SH2B2: variants seen among roughly 807,000 people sequenced by gnomAD.
SH2B2 encodes the protein SH2B adaptor protein 2, also known as SH2B adapter protein 2.
Under a neutral mutation model 35.7 loss-of-function variants are expected in SH2B2, and 37 were observed. The ratio of observed to expected loss-of-function variants is 1.04; its 90% confidence interval spans 0.80 to 1.36. The LOEUF (loss-of-function observed/expected upper bound fraction) is 1.36. Among genes scored for constraint, SH2B2 ranks in the 40% most tolerant of loss-of-function variants. The pLI, the probability that SH2B2 is intolerant of heterozygous loss-of-function variation, is 0.00. For missense variants in SH2B2, 852 were observed against 817.7 expected (o/e 1.04, Z -0.51); for synonymous variants, 383 against 376.4 (o/e 1.02, Z -0.20).
intron 2 of SH2B2, among the ~76,000 whole-genome samples, chr7:102,304,414 C>G (rs572644123): frequency 6.1e-4 from 93 of 152,304 alleles, no homozygotes; most frequent in African/African-American, 2.1e-3. Context: ...GCCGGCCCCC[C>G]GCCATTAGGG....
At chr7:102,290,136 T>C (rs1418031762) in intron 1 of SH2B2, among the ~76,000 whole-genome samples, 2 of 137,196 alleles carry the variant, frequency 1.5e-5, no homozygotes, top group East Asian at 4.7e-4. Context: ...GGTCATTTCC[T>C]TTCCTGAAAC....
chr7:102,306,613 G>C (rs1793408115), intron 2 of SH2B2, 108 bp from the exon 3 acceptor site: 1 of 749,916 alleles, frequency 1.3e-6, no homozygotes, highest in African/African-American at 1.7e-5. Context: ...TACCAGGGTG[G>C]CTGTGGCAGT....
At chr7:102,285,213 C>A (rs1554550641), upstream of SH2B2, 2 of 1,551,278 alleles carry the variant, frequency 1.3e-6, no homozygotes, top group South Asian at 2.4e-5. Flanking sequence ...CCCTCTCTGG[C>A]CGCTATCATC....
At chr7:102,302,724 C>T (rs555899278) in intron 2 of SH2B2, among the ~76,000 whole-genome samples, 1 of 152,344 alleles carries the variant, frequency 6.6e-6, no homozygotes, top group South Asian at 2.1e-4. Context: ...GGAAGTGTGG[C>T]CTGCCCAACG....
chr7:102,296,307 G>A (rs1554552500), intron 1 of SH2B2, among the ~76,000 whole-genome samples: 1 of 152,238 alleles, frequency 6.6e-6, no homozygotes, highest in Non-Finnish European at 1.5e-5. Context: ...GAGGAGAGAT[G>A]AGATGGTGAT....
intron 1 of SH2B2, among the ~76,000 whole-genome samples, chr7:102,293,368 G>C (rs1334731008): frequency 6.6e-6 from 1 of 151,622 alleles, no homozygotes; most frequent in Non-Finnish European, 1.5e-5. Flanking sequence ...CCGTGGCCTG[G>C]AAAGGCGATG....
intron 1 of SH2B2, among the ~76,000 whole-genome samples, chr7:102,288,909 A>G (rs2132887802): frequency 6.6e-6 from 1 of 152,276 alleles, no homozygotes; most frequent in Non-Finnish European, 1.5e-5. Flanking sequence ...CTGGGTTGCA[A>G]GGAATTGGGG....
At chr7:102,312,594 T>C (rs1027213816) in intron 4 of SH2B2, among the ~76,000 whole-genome samples, 31,092 of 152,222 alleles carry the variant, frequency 0.2, 3,847 homozygotes, top group East Asian at 0.34. Context: ...ATGGGGGTCT[T>C]ATGACCTACA....
In SH2B2 at chr7:102,300,971, A is replaced by AGCCT. The variant is rs1554553664; in HGVS notation, c.423_426dup (p.Cys143ProfsTer117). The AGCCT allele has an allele frequency of 6.8e-7, 1 of 1,479,762 alleles. No homozygotes were observed. Among genetic ancestry groups the AGCCT allele is most frequent in the Admixed American group, 2.4e-5 (1 of 42,358 alleles). The allele number at this position is 1,479,762 out of a possible 1,614,324, so 91.7% of individuals were successfully genotyped here. A position where few individuals can be genotyped will look rare whatever the true frequency, so the allele number is the denominator to read the frequency against. On this transcript the variant is annotated frameshift_variant, in exon 2 of 9. Coordinates refer to ENST00000444095, the MANE Select transcript of SH2B2 (RefSeq NM_001359228.2). LOFTEE classifies it high-confidence loss of function. ...CAAGGGCTTCTCGCTGCGCAACATG[A>AGCCT]GCCTGTGCGTGGTGGACGGCGTGCG... is the stretch of plus-strand genomic sequence containing the variant.
rs712842 is a variant in SH2B2 at position 102,297,475 on chromosome 7, G to A, written c.-29-3047G>A. The stretch of plus-strand genomic sequence containing the variant: ...TATTAGCCAGTTTCAAGCATCTGCT[G>A]GGGTTCTTGGGACATATACCCCTTG... On this transcript the variant is annotated intron_variant, in intron 1 of 8. Transcript: ENST00000444095. The surrounding 1 kb of genome is among the most constrained non-coding windows in gnomAD (Gnocchi z 4.3). 0.33 allele frequency among the ~76,000 whole-genome samples: 50,087 copies of A among 151,576 alleles called. 8,389 individuals are homozygous for A. Among genetic ancestry groups the A allele is most frequent in the African/African-American group, 0.38 (15,513 of 41,228 alleles).
intron 1 of SH2B2, among the ~76,000 whole-genome samples, chr7:102,289,898 T>A (rs1043053575): frequency 1.3e-5 from 2 of 152,092 alleles, no homozygotes; most frequent in African/African-American, 4.8e-5. Flanking sequence ...CCAGTGCAGC[T>A]GGAACCAGCT....
chr7:102,296,374 G>A (rs1554552509), intron 1 of SH2B2, among the ~76,000 whole-genome samples: 1 of 152,222 alleles, frequency 6.6e-6, no homozygotes, highest in East Asian at 1.9e-4. Context: ...GGGAGGACAG[G>A]CGAGGGCATG....
intron 1 of SH2B2, among the ~76,000 whole-genome samples, chr7:102,295,989 C>G (rs1353359840): frequency 1.3e-5 from 2 of 152,140 alleles, no homozygotes; most frequent in Non-Finnish European, 2.9e-5. Flanking sequence ...TCATGAAGCC[C>G]AACGCAATAA....
chr7:102,288,835 A>G (rs533161785), intron 1 of SH2B2, among the ~76,000 whole-genome samples: 1 of 152,274 alleles, frequency 6.6e-6, no homozygotes, highest in East Asian at 1.9e-4. Flanking sequence ...GCAGTCAACG[A>G]GCCAGGCCTC....
chr7:102,316,785 G>A (rs145738254), intron 6 of SH2B2, among the ~76,000 whole-genome samples: 3,342 of 152,174 alleles, frequency 0.022, 41 homozygotes, highest in Middle Eastern at 0.041. Context: ...TTGGGAGGCC[G>A]AGGTGGGTGG....
Position 102,300,737 on chromosome 7 carries a change from C to T in SH2B2, c.187C>T (p.Arg63Cys), listed in dbSNP as rs375538735. 44 of 1,540,002 alleles carry T rather than the reference C, an allele frequency of 2.9e-5. 1 individual carries two copies. In the South Asian group the frequency reaches 2.9e-4, roughly 10 times the overall value. ...DTPDAGASFS[R>C]HFAANFLDVF... Reference sequence around the variant, plus strand: ...GCCCGACGCCGGCGCCTCCTTCTCCCGCCACTTCGCCGCCAACTTCCTGGA... The same window carrying T: ...GCCCGACGCCGGCGCCTCCTTCTCCTGCCACTTCGCCGCCAACTTCCTGGA... The change falls in exon 2 of 9, where the codon CGC becomes TGC. Residue 63 changes from arginine (R) to cysteine (C), a missense_variant. Arg to Cys is a radical substitution (Grantham distance 180, BLOSUM62 -3). Around this residue, in one of 3 missense-constraint regions of SH2B2, gnomAD observed 294 missense variants for 286.6 expected, o/e 1.03. Coordinates refer to ENST00000444095, the MANE Select transcript of SH2B2 (RefSeq NM_001359228.2).
At position 102,316,962 on chromosome 7, in the gene SH2B2, T is replaced by C. The variant is rs900454130; in HGVS notation, c.1187-225T>C. 2.7e-5 allele frequency: 12 copies of C among 437,154 alleles called. No homozygotes were observed. In the Admixed American group the frequency reaches 3.0e-4, roughly 11 times the overall value. The allele number at this position is 437,154 out of a possible 1,614,324, so 27.1% of individuals were successfully genotyped here. A position where few individuals can be genotyped will look rare whatever the true frequency, so the allele number is the denominator to read the frequency against. On this transcript the variant is annotated intron_variant, in intron 6 of 8. Coordinates refer to ENST00000444095, the MANE Select transcript of SH2B2 (RefSeq NM_001359228.2). ...TGAACCCGGAAGGCAGAGGTTACAG[T>C]CAGCCACCGGGATTGCAGCATTGCA...
At chr7:102,320,233 G>C in intron 7 of SH2B2, 98 bp from the exon 8 acceptor site, 1 of 1,024,312 alleles carries the variant, frequency 9.8e-7, no homozygotes, top group South Asian at 1.4e-5. Context: ...GCCCCATACA[G>C]CCCCTGTGAG....
chr7:102,306,218 C>G (rs1793392863), intron 2 of SH2B2, among the ~76,000 whole-genome samples: 1 of 152,206 alleles, frequency 6.6e-6, no homozygotes, highest in Non-Finnish European at 1.5e-5. Flanking sequence ...TCCCAGATAG[C>G]TGGGACTACA....
Sources: allele counts gnomAD v4.1 joint callset (sites outside exome capture counted in the v4.1 genomes callset), GRCh38; gene constraint gnomAD v4.1.1; regional missense constraint gnomAD v4.1.1; non-coding constraint Gnocchi (gnomAD v3.1); transcripts MANE v1.5; gene names NCBI Gene and HGNC (gene_info 2026-07-23, HGNC 2026-07-21).